CSMD1: variants seen among roughly 807,000 people sequenced by gnomAD.
CSMD1 encodes the protein CUB and sushi domain-containing protein 1.
Under a neutral mutation model 417.5 loss-of-function variants are expected in CSMD1, and 213 were observed. The ratio of observed to expected loss-of-function variants is 0.51; its 90% CI spans 0.46 to 0.57. The LOEUF (loss-of-function observed/expected upper bound fraction) is 0.57. Among genes scored for constraint, CSMD1 ranks in the 20% least tolerant of loss-of-function variants. CSMD1 has a pLI of 0.00. For missense variants in CSMD1, 6,923 were observed against 4,529.7 expected (o/e 1.53, Z -15.17); for synonymous variants, 2,862 against 1,736.8 (o/e 1.65, Z -16.11).
At chr8:3,266,509 G>A (rs1427877433) in intron 26 of CSMD1, among the ~76,000 whole-genome samples, 1 of 150,890 alleles carries the variant, frequency 6.6e-6, no homozygotes, top group African/African-American at 2.4e-5. Context: ...GGGAGGCTGA[G>A]GCAGGAGAAT....
intron 1 of CSMD1, among the ~76,000 whole-genome samples, chr8:4,776,978 C>T (rs79625459): frequency 0.01 from 1,549 of 152,200 alleles, 12 homozygotes; most frequent in East Asian, 0.049. Flanking sequence ...TTGTCAATAT[C>T]AATTTAGCGT....
intron 5 of CSMD1, among the ~76,000 whole-genome samples, chr8:3,822,219 C>T (rs936128421): frequency 1.3e-5 from 2 of 152,110 alleles, no homozygotes; most frequent in African/African-American, 2.4e-5. Flanking sequence ...AGACACTCTG[C>T]CATGTGCCTG....
chr8:3,838,674 A>G (rs1211910117), intron 5 of CSMD1, among the ~76,000 whole-genome samples: 1 of 96,880 alleles, frequency 1.0e-5, no homozygotes, highest in Non-Finnish European at 1.8e-5. Flanking sequence ...ATAAATTAAT[A>G]TTATATAGTA....
At chr8:3,715,778 T>A (rs1801796557) in intron 6 of CSMD1, among the ~76,000 whole-genome samples, 1 of 152,082 alleles carries the variant, frequency 6.6e-6, no homozygotes, top group Non-Finnish European at 1.5e-5. Flanking sequence ...CCCGACCTCA[T>A]GTGATCCTCC....
chr8:2,957,191 T>C (rs758561972), intron 63 of CSMD1, among the ~76,000 whole-genome samples: 123 of 152,318 alleles, frequency 8.1e-4, no homozygotes, highest in African/African-American at 2.7e-3. Flanking sequence ...AATTCATATA[T>C]ACTTCCTGTT....
intron 1 of CSMD1, among the ~76,000 whole-genome samples, chr8:4,921,438 A>T (rs531703600): frequency 4.6e-5 from 7 of 152,346 alleles, no homozygotes; most frequent in Admixed American, 2.0e-4. Flanking sequence ...TTTTAAGATC[A>T]TGTTAAAGAT....
intron 3 of CSMD1, among the ~76,000 whole-genome samples, chr8:4,295,254 TTTTCTATATAATCTTAAGATTA>T (rs1297037581): frequency 0.067 from 7,972 of 118,260 alleles, 497 homozygotes; most frequent in Non-Finnish European, 0.1. Flanking sequence ...AATCTTAAGA[TTTTCTATATAATCTTAAGATTA>T]TATGCACATA....
intron 26 of CSMD1, among the ~76,000 whole-genome samples, chr8:3,283,767 C>G (rs184409044): frequency 1.3e-5 from 2 of 152,232 alleles, no homozygotes; most frequent in African/African-American, 4.8e-5. Context: ...ACTTAAGTTC[C>G]TCCCCGTTTA....
At chr8:4,497,112 CCAGA>C (rs1311148101) in intron 2 of CSMD1, among the ~76,000 whole-genome samples, 1 of 152,140 alleles carries the variant, frequency 6.6e-6, no homozygotes, top group Admixed American at 6.5e-5. Context: ...CAGTGACATC[CCAGA>C]CAGCTTGTCT....
chr8:4,456,338 G>C lies in CSMD1; in HGVS notation c.303-36273C>G, dbSNP rs115095291. Among the ~76,000 whole-genome samples, 1,220 of 152,278 alleles carry C rather than the reference G, an allele frequency of 8.0e-3. 13 individuals are homozygous for C. The highest frequency in any genetic ancestry group is 0.028 in the African/African-American group (1,157 of 41,556). On this transcript the variant is annotated intron_variant, in intron 2 of 69. Coordinates refer to ENST00000635120, the MANE Select transcript of CSMD1 (RefSeq NM_033225.6). Reference sequence around the variant, plus strand: ...CAGTAATAAAAAAATTAGTCATAGAGCAGGAACATGTTGGTAAAAATACTG... The same window carrying C: ...CAGTAATAAAAAAATTAGTCATAGACCAGGAACATGTTGGTAAAAATACTG...
In CSMD1 at chr8:4,608,068, G is replaced by A. The variant is rs770970569; in HGVS notation, c.302+29274C>T. Among the ~76,000 whole-genome samples, 7 of 152,252 alleles carry A rather than the reference G, an allele frequency of 4.6e-5. No homozygotes were observed. The South Asian group carries it at 1.0e-3, about 23-fold the overall frequency. ...GGTGTTCCAGGTGAAGGCCCTGGGA[G>A]GAGATGGTGCTTGGTGTATTCGAAA... is the stretch of plus-strand genomic sequence containing the variant. On this transcript the variant is annotated intron_variant, in intron 2 of 69. Transcript: ENST00000635120.
intron 23 of CSMD1, among the ~76,000 whole-genome samples, chr8:3,317,968 G>A (rs143752946): frequency 1.3e-5 from 2 of 152,210 alleles, no homozygotes; most frequent in African/African-American, 2.4e-5. Context: ...GGGCCACCAT[G>A]CCCAGCTAAT....
rs529964920 is a variant in CSMD1 at position 4,675,944 on chromosome 8, T to C, written c.86-38386A>G. ...TAAACGTTAAGCCTGGATTGAATGA[T>C]TTGTTTTATGGATGTGTCTGCCTTT... On this transcript the variant is annotated intron_variant, in intron 1 of 69. Transcript: ENST00000635120. Among the ~76,000 whole-genome samples the C allele has an allele frequency of 1.7e-4, 26 of 152,310 alleles. No individual in the cohort carries two copies. In the South Asian group the frequency reaches 5.2e-3, roughly 30 times the overall value.
At chr8:4,414,518 C>G (rs1331158380) in intron 3 of CSMD1, among the ~76,000 whole-genome samples, 3 of 152,094 alleles carry the variant, frequency 2.0e-5, no homozygotes, top group African/African-American at 7.2e-5. Context: ...AGAGGATCTG[C>G]TTATGCATAG....
chr8:3,214,366 C>T, intron 30 of CSMD1, 131 bp downstream of exon 30: 3 of 739,484 alleles, frequency 4.1e-6, no homozygotes, highest in Non-Finnish European at 6.5e-6. Context: ...ATTCGTTCCA[C>T]ACTAGCTCTC....
At chr8:3,299,481 T>C (rs1372061951) in intron 25 of CSMD1, among the ~76,000 whole-genome samples, 1 of 152,052 alleles carries the variant, frequency 6.6e-6, no homozygotes, top group African/African-American at 2.4e-5. Context: ...TGTGGTATCA[T>C]CGCTAAGGAA....
At chr8:3,198,629 C>T (rs549438329) in intron 33 of CSMD1, among the ~76,000 whole-genome samples, 6 of 152,294 alleles carry the variant, frequency 3.9e-5, no homozygotes, top group South Asian at 4.1e-4. Flanking sequence ...CTTCCCATTA[C>T]TCTTTAAATG....
intron 2 of CSMD1, among the ~76,000 whole-genome samples, chr8:4,468,362 A>C (rs974536879): frequency 6.6e-6 from 1 of 152,230 alleles, no homozygotes; most frequent in Non-Finnish European, 1.5e-5. Context: ...ACCTTTTAAA[A>C]ACCATTAATA....
At chr8:4,417,374 C>G (rs1213052780) in intron 3 of CSMD1, among the ~76,000 whole-genome samples, 4 of 151,930 alleles carry the variant, frequency 2.6e-5, no homozygotes, top group African/African-American at 9.7e-5. Context: ...AGTTTGGTGT[C>G]CGGATTATGT....
Sources: gnomAD v4.1 joint callset for allele counts (sites outside exome capture counted in the v4.1 genomes callset) on GRCh38, gnomAD v4.1.1 for gene constraint, MANE v1.5 for transcripts, NCBI Gene and HGNC (gene_info 2026-07-23, HGNC 2026-07-21) for gene names.